Variants in IPCEF1 observed in about 807,000 individuals in gnomAD.
IPCEF1 encodes the protein interactor protein for cytohesin exchange factors 1.
Under a neutral mutation model 50.9 loss-of-function variants are expected in IPCEF1, and 31 were observed. The ratio of observed to expected loss-of-function variants is 0.61; its 90% CI spans 0.46 to 0.82. The LOEUF (loss-of-function observed/expected upper bound fraction) is 0.82. Ranked by LOEUF, IPCEF1 falls within the 40% of genes least tolerant of loss-of-function variation. The pLI is 0.00. For missense variants in IPCEF1, 458 were observed against 514.0 expected, an observed-to-expected ratio of 0.89 and a Z score of 1.05; for synonymous variants, 181 against 192.0, an observed-to-expected ratio of 0.94 and a Z score of 0.47.
intron 1 of IPCEF1, among the ~76,000 whole-genome samples, chr6:154,327,075 T>C (rs1256992091): frequency 1.3e-5 from 2 of 152,142 alleles, no homozygotes; most frequent in South Asian, 4.1e-4. Context: ...TAATATAGAT[T>C]GAAGACTTAA....
intron 3 of IPCEF1, among the ~76,000 whole-genome samples, chr6:154,264,459 A>G (rs1354853830): frequency 2.6e-5 from 4 of 151,858 alleles, no homozygotes; most frequent in South Asian, 4.2e-4. Flanking sequence ...TGCAACCTCT[A>G]CCTCCCAGAT....
At chr6:154,211,142 T>C (rs790251) in intron 9 of IPCEF1, among the ~76,000 whole-genome samples, 91,881 of 151,916 alleles carry the variant, frequency 0.6, 28,429 homozygotes, top group South Asian at 0.76. Flanking sequence ...CCTGGCTGGG[T>C]GCGGTGGCTC....
At chr6:154,345,771 A>AC (rs1387331027) in intron 1 of IPCEF1, among the ~76,000 whole-genome samples, 3 of 152,150 alleles carry the variant, frequency 2.0e-5, no homozygotes, top group Non-Finnish European at 2.9e-5. Flanking sequence ...TGGTTACTGT[A>AC]CCCCATATGG....
At chr6:154,333,697 G>C (rs540875140) in intron 1 of IPCEF1, among the ~76,000 whole-genome samples, 2 of 150,942 alleles carry the variant, frequency 1.3e-5, no homozygotes, top group Non-Finnish European at 2.9e-5. Context: ...TGTATATATA[G>C]TGCGTTTGTG....
chr6:154,172,822 G>A (rs1799984896), intron 10 of IPCEF1, among the ~76,000 whole-genome samples: 1 of 152,218 alleles, frequency 6.6e-6, no homozygotes, highest in Non-Finnish European at 1.5e-5. Context: ...TCCCAGCACG[G>A]CATTCGATCT....
chr6:154,283,189 G>A (rs771728545), intron 2 of IPCEF1, among the ~76,000 whole-genome samples: 25 of 151,472 alleles, frequency 1.7e-4, no homozygotes, highest in Middle Eastern at 3.4e-3. Flanking sequence ...CTACTCAGGA[G>A]GCTGAGGCAG....
At chr6:154,347,265 T>C (rs1412798136) in intron 1 of IPCEF1, among the ~76,000 whole-genome samples, 1 of 152,216 alleles carries the variant, frequency 6.6e-6, no homozygotes, top group Non-Finnish European at 1.5e-5. Context: ...AGCTATATAC[T>C]GGACGCTCAG....
At chr6:154,326,285 T>G (rs1273760660) in intron 1 of IPCEF1, among the ~76,000 whole-genome samples, 3 of 151,836 alleles carry the variant, frequency 2.0e-5, no homozygotes, top group African/African-American at 7.3e-5. Context: ...AAATACACAT[T>G]TTGGCAGATG....
chr6:154,174,792 G>C (rs1800178711), intron 10 of IPCEF1, among the ~76,000 whole-genome samples: 1 of 152,098 alleles, frequency 6.6e-6, no homozygotes. Context: ...GGATATCCAG[G>C]ACTTGAACTC....
chr6:154,177,483 T>C (rs1800437278), intron 10 of IPCEF1, among the ~76,000 whole-genome samples: 1 of 152,132 alleles, frequency 6.6e-6, no homozygotes, highest in Non-Finnish European at 1.5e-5. Flanking sequence ...GCAAAGGACA[T>C]GAACAGACAC....
chr6:154,281,096 T>C, intron 2 of IPCEF1, among the ~76,000 whole-genome samples: 1 of 150,866 alleles, frequency 6.6e-6, no homozygotes, highest in Non-Finnish European at 1.5e-5. Flanking sequence ...TCCCAGCACT[T>C]TGGGAGGCCG....
At chr6:154,211,923 T>C (rs998529001) in intron 9 of IPCEF1, among the ~76,000 whole-genome samples, 2 of 152,192 alleles carry the variant, frequency 1.3e-5, no homozygotes, top group Non-Finnish European at 2.9e-5. Context: ...TAGGAAAGAC[T>C]TAGACACTTC....
At chr6:154,166,879 A>G (rs1298054203) in intron 11 of IPCEF1, among the ~76,000 whole-genome samples, 1 of 152,218 alleles carries the variant, frequency 6.6e-6, no homozygotes, top group Non-Finnish European at 1.5e-5. Context: ...GATATCTTTT[A>G]TTATCGATAA....
chr6:154,223,046 C>A, intron 6 of IPCEF1, 124 bp downstream of exon 6: 1 of 783,474 alleles, frequency 1.3e-6, no homozygotes, highest in Non-Finnish European at 2.2e-6. Flanking sequence ...ACCCATAATG[C>A]TTCAAATTCT....
At chr6:154,256,824 G>A (rs921616810) in intron 3 of IPCEF1, among the ~76,000 whole-genome samples, 5 of 152,154 alleles carry the variant, frequency 3.3e-5, no homozygotes, top group African/African-American at 1.2e-4. Flanking sequence ...AGTAGAAGTT[G>A]CACCTCAAAT....
chr6:154,272,108 A>T (rs977051421), intron 2 of IPCEF1, among the ~76,000 whole-genome samples: 2 of 152,246 alleles, frequency 1.3e-5, no homozygotes, highest in African/African-American at 2.4e-5. Context: ...TCTGACTAGC[A>T]AATGCCTCCT....
intron 3 of IPCEF1, among the ~76,000 whole-genome samples, chr6:154,258,393 T>C (rs1781513547): frequency 6.6e-6 from 1 of 152,188 alleles, no homozygotes; most frequent in Admixed American, 6.5e-5. Context: ...CCTAAGCCTA[T>C]TGTTTAATTA....
chr6:154,304,070 T>TAA (rs147621072), intron 1 of IPCEF1, among the ~76,000 whole-genome samples: 18,549 of 151,718 alleles, frequency 0.12, 2,276 homozygotes, highest in African/African-American at 0.31. Context: ...GTAAAAAAAT[T>TAA]AAGTTAGCCT....
chr6:154,218,256 T>C (rs553437547), intron 7 of IPCEF1, among the ~76,000 whole-genome samples: 9 of 152,260 alleles, frequency 5.9e-5, no homozygotes, highest in South Asian at 4.2e-4. Context: ...TTTTAAGAAA[T>C]TGATGTACAA....
Sources: allele counts gnomAD v4.1 joint callset (sites outside exome capture counted in the v4.1 genomes callset), GRCh38; gene constraint gnomAD v4.1.1; transcripts MANE v1.5; gene names NCBI Gene and HGNC (gene_info 2026-07-23, HGNC 2026-07-21).